SZT2: variants seen among roughly 807,000 people sequenced by gnomAD.
The protein encoded by SZT2 is KICSTOR complex protein SZT2.
SZT2 carries 216 observed loss-of-function variants against 404.2 expected under a neutral mutation model. That is an observed-to-expected ratio of 0.53 (90% CI 0.48 to 0.60). SZT2 has a LOEUF of 0.60. Ranked by LOEUF, SZT2 falls within the 20% of genes least tolerant of loss-of-function variation. The pLI, the probability that SZT2 is intolerant of heterozygous loss-of-function variation, is 0.00. For synonymous variants in SZT2, 1,693 were observed against 1,749.9 expected (o/e 0.97, Z 0.81); for missense variants, 3,857 against 4,459.2 (o/e 0.86, Z 3.85).
Position 43,445,889 on chromosome 1 carries a change from T to C in SZT2, c.8826-5T>C. 1.9e-6 allele frequency: 3 copies of C among 1,614,170 alleles called. No homozygotes were observed. The highest frequency in any genetic ancestry group is 2.5e-6 in the Non-Finnish European group (3 of 1,180,006). ...CATCCTCTTATCCCTCCTCCTTTTC[T>C]ATAGCACCAGCCGGCCACGGGCCAT... On this transcript the variant is annotated splice_region_variant and splice_polypyrimidine_tract_variant and intron_variant, in intron 62 of 71. Transcript: ENST00000634258.
intron 70 of SZT2, 106 bp from the exon 71 acceptor site, chr1:43,449,997 T>G (rs1570751895): frequency 3.5e-5 from 46 of 1,332,264 alleles, no homozygotes; most frequent in Admixed American, 7.2e-5. Flanking sequence ...GCAGGCGGGG[T>G]GAGGTGTGGA....
At chr1:43,392,333 C>CT (rs1557495113) in intron 1 of SZT2, among the ~76,000 whole-genome samples, 6 of 151,720 alleles carry the variant, frequency 4.0e-5, no homozygotes, top group African/African-American at 7.3e-5. Flanking sequence ...ATATAGTAGT[C>CT]TTTACCATAT....
At position 43,437,264 on chromosome 1, in the gene SZT2, G is replaced by A. The variant is rs1328312645; in HGVS notation, c.6128G>A (p.Gly2043Glu). The stretch of plus-strand genomic sequence containing the variant: ...CATTTCTCCTGTGACGTTGTGTGGG[G>A]AACTGTGATCCGAGTCCATTCACGC... ...PGHFSCDVVWGTVIRVHSRLK... is the reference protein window; with the variant it reads ...PGHFSCDVVWETVIRVHSRLK... Residue 2043 changes from glycine to glutamate, a missense_variant, in exon 43 of 72, where the codon GGA (glycine) becomes GAA (glutamate). Gly to Glu is a moderately conservative substitution (Grantham distance 98). This residue lies in a region of SZT2 where 261 missense variants were observed against 372.9 expected (regional missense o/e 0.70). Coordinates refer to ENST00000634258, the MANE Select transcript of SZT2 (RefSeq NM_001365999.1). This position sits in a 1 kb window ranked among gnomAD's most constrained non-coding sequence, Gnocchi z 5.3. 1 of 1,614,158 alleles carries A rather than the reference G, an allele frequency of 6.2e-7. No homozygotes were observed. The highest frequency in any genetic ancestry group is 1.1e-5 in the South Asian group (1 of 91,076).
intron 42 of SZT2, chr1:43,436,452 C>A (rs1297396889): frequency 6.6e-6 from 1 of 152,352 alleles, no homozygotes. Flanking sequence ...CAGACACAGC[C>A]CTTCCTCATT....
At chr1:43,431,199 G>A in intron 33 of SZT2, 66 bp from the exon 34 acceptor site, 1 of 1,560,748 alleles carries the variant, frequency 6.4e-7, no homozygotes, top group Non-Finnish European at 8.7e-7. Context: ...GTCCAAGAAT[G>A]AAGTAAGGAG....
In SZT2 at chr1:43,424,300, G is replaced by T; in HGVS notation, c.2339G>T (p.Arg780Leu). The T allele has an allele frequency of 6.3e-7, 1 of 1,597,972 alleles. No homozygotes were observed. Among genetic ancestry groups the T allele is most frequent in the Non-Finnish European group, 8.5e-7 (1 of 1,179,558 alleles). The change falls in exon 16 of 72, where the codon CGC becomes CTC. Residue 780 changes from arginine to leucine, a missense_variant. By Grantham distance (102) the Arg-to-Leu change is moderately radical. Around this residue, in one of 7 missense-constraint regions of SZT2, gnomAD observed 1,725 missense variants for 1,881.0 expected, o/e 0.92. Coordinates refer to ENST00000634258, the MANE Select transcript of SZT2 (RefSeq NM_001365999.1). The surrounding 1 kb of genome is among the most constrained non-coding windows in gnomAD (Gnocchi z 4.1). The part of the protein sequence containing the change: ...PPGPLPLVSG[R>L]SASSSLASLS... Reference sequence around the variant, plus strand: ...GGTCCACTGCCCTTGGTGTCAGGCCGCTCAGCCTCTTCTAGCCTGGCGTCA... The same window carrying T: ...GGTCCACTGCCCTTGGTGTCAGGCCTCTCAGCCTCTTCTAGCCTGGCGTCA...
chr1:43,426,710 T>C lies in SZT2; in HGVS notation c.3215-5T>C, dbSNP rs771760450. The C allele has an allele frequency of 1.9e-6, 3 of 1,604,676 alleles. No individual in the cohort carries two copies. The highest frequency in any genetic ancestry group is 1.1e-5 in the South Asian group (1 of 89,246). Reference sequence around the variant, plus strand: ...CTCTTTCACCCATCTCTACCCCCATTGTAGGTGCCGAGGGGCCACTGCTGG... The same window carrying C: ...CTCTTTCACCCATCTCTACCCCCATCGTAGGTGCCGAGGGGCCACTGCTGG... On this transcript the variant is annotated splice_region_variant and splice_polypyrimidine_tract_variant and intron_variant, in intron 22 of 71. Coordinates refer to ENST00000634258, the MANE Select transcript of SZT2 (RefSeq NM_001365999.1). This position sits in a 1 kb window ranked among gnomAD's most constrained non-coding sequence, Gnocchi z 4.9.
In SZT2 at chr1:43,407,345, TACAACA is replaced by T. The variant is rs576530768; in HGVS notation, c.498+2806_498+2811del. Reference sequence around the variant, plus strand: ...GTGGCAAAACCCTGTCTACTAAAAATACAACAACAACAACAAAAAAATTAGCTGGGC... The same window carrying T: ...GTGGCAAAACCCTGTCTACTAAAAATACAACAACAAAAAAATTAGCTGGGC... On this transcript the variant is annotated intron_variant, in intron 4 of 71. Coordinates refer to ENST00000634258, the MANE Select transcript of SZT2 (RefSeq NM_001365999.1). 7.2e-5 allele frequency among the ~76,000 whole-genome samples: 11 copies of T among 151,950 alleles called. No individual in the cohort carries two copies. The South Asian group carries it at 2.3e-3, about 32-fold the overall frequency.
chr1:43,413,387 AAAAAC>A (rs1047687708), intron 4 of SZT2, among the ~76,000 whole-genome samples: 5 of 152,312 alleles, frequency 3.3e-5, no homozygotes, highest in East Asian at 1.9e-4. Context: ...ATCTCAAACA[AAAAAC>A]AAAACAAAAC....
chr1:43,403,708 C>T lies in SZT2; in HGVS notation c.261C>T (p.Val87=), dbSNP rs965555758. The T allele has an allele frequency of 2.0e-5, 33 of 1,614,018 alleles. No individual in the cohort carries two copies. The highest frequency in any genetic ancestry group is 4.0e-5 in the African/African-American group (3 of 74,918). ...RPFLLVPSTR[V]TFLAWQYRFV... ...TCCTCCTGGTACCTTCCACCCGGGTCACCTTCCTGGCTTGGCAGTATCGGT... is the reference window on the plus strand; with the variant it reads ...TCCTCCTGGTACCTTCCACCCGGGTTACCTTCCTGGCTTGGCAGTATCGGT... Residue 87 remains valine, a synonymous_variant, in exon 3 of 72, where the codon GTC becomes GTT. Coordinates refer to ENST00000634258, the MANE Select transcript of SZT2 (RefSeq NM_001365999.1).
Position 43,441,795 on chromosome 1 carries a change from T to C in SZT2, c.7719T>C (p.Ser2573=). The change falls in exon 55 of 72, where the codon AGT becomes AGC. Residue 2573 remains serine, a synonymous_variant. Coordinates refer to ENST00000634258, the MANE Select transcript of SZT2 (RefSeq NM_001365999.1). The surrounding 1 kb of genome is among the most constrained non-coding windows in gnomAD (Gnocchi z 4.8). ...TCACCTCAATGGCTGGAGACACCAG[T>C]GTCCGCATCTTTGAGCAGCATTTGT... ...ALVTSMAGDT[S]VRIFEQHLGS... is the part of the protein sequence containing the mutation. The C allele has an allele frequency of 6.2e-7, 1 of 1,614,190 alleles. No individual in the cohort carries two copies. Among genetic ancestry groups the C allele is most frequent in the Non-Finnish European group, 8.5e-7 (1 of 1,180,036 alleles).
chr1:43,407,826 CCTT>C, intron 4 of SZT2, among the ~76,000 whole-genome samples: 1 of 144,022 alleles, frequency 6.9e-6, no homozygotes, highest in Non-Finnish European at 1.5e-5. Context: ...TAAATTCTAA[CCTT>C]TTTTTTTTTT....
In SZT2 at chr1:43,432,751, G is replaced by C. The variant is rs755815768; in HGVS notation, c.5554G>C (p.Gly1852Arg). The C allele has an allele frequency of 1.8e-5, 29 of 1,613,892 alleles. No homozygotes were observed. The highest frequency in any genetic ancestry group is 2.4e-5 in the Non-Finnish European group (28 of 1,179,940). The change falls in exon 39 of 72, where the codon GGA becomes CGA. Residue 1852 changes from glycine (G) to arginine (R), a missense_variant. Around this residue, in one of 7 missense-constraint regions of SZT2, gnomAD observed 1,725 missense variants for 1,881.0 expected, o/e 0.92. Coordinates refer to ENST00000634258, the MANE Select transcript of SZT2 (RefSeq NM_001365999.1). Reference protein sequence around the residue: ...QGGSQPGPSRGLSLMSSQGSV... With the variant: ...QGGSQPGPSRRLSLMSSQGSV... The stretch of plus-strand genomic sequence containing the variant: ...AGGGAGTCAGCCTGGGCCCAGCCGG[G>C]GATTAAGTCTCATGTCCAGTCAGGG...
intron 4 of SZT2, among the ~76,000 whole-genome samples, chr1:43,410,943 C>T (rs1395615214): frequency 6.6e-6 from 1 of 152,100 alleles, no homozygotes; most frequent in East Asian, 1.9e-4. Flanking sequence ...TTGCTGGATC[C>T]TGTGCTGCCC....
chr1:43,452,240 C>T lies in SZT2; in HGVS notation c.*1760C>T. 5 of 1,613,956 alleles carry T rather than the reference C, an allele frequency of 3.1e-6. No individual in the cohort carries two copies. The highest frequency in any genetic ancestry group is 2.2e-5 in the South Asian group (2 of 91,018). On this transcript the variant is annotated 3_prime_UTR_variant, in exon 72 of 72. Coordinates refer to ENST00000634258, the MANE Select transcript of SZT2 (RefSeq NM_001365999.1). ...ACCCCAGCTGCATGCCTCAGGTTCT[C>T]CAGAAAAACGGCCTCCATCTCAGCC...
intron 63 of SZT2, 79 bp downstream of exon 63, chr1:43,446,063 T>C: frequency 6.3e-7 from 1 of 1,581,844 alleles, no homozygotes; most frequent in South Asian, 1.1e-5. Flanking sequence ...CTGAGTGATG[T>C]ACCGAGGTCA....
chr1:43,405,522 G>A (rs1029410404), intron 4 of SZT2: 3 of 152,158 alleles, frequency 2.0e-5, no homozygotes, highest in African/African-American at 7.2e-5. Context: ...TTAACTCATT[G>A]GTAAAGGCTT....
At position 43,442,141 on chromosome 1, in the gene SZT2, G is replaced by A; in HGVS notation, c.7873+11G>A. On this transcript the variant is annotated intron_variant, in intron 56 of 71. Coordinates refer to ENST00000634258, the MANE Select transcript of SZT2 (RefSeq NM_001365999.1). This position sits in a 1 kb window ranked among gnomAD's most constrained non-coding sequence, Gnocchi z 4.5. The stretch of plus-strand genomic sequence containing the variant: ...GACCAACACAGCAGGGTGAGGGCAT[G>A]GCCCGGGGGGGCGGGGGGCGGGTAG... 6.3e-7 allele frequency: 1 copy of A among 1,577,076 alleles called. No homozygotes were observed. The highest frequency in any genetic ancestry group is 8.7e-7 in the Non-Finnish European group (1 of 1,153,720).
In SZT2 at chr1:43,450,855, G is replaced by C; in HGVS notation, c.*375G>C. On this transcript the variant is annotated 3_prime_UTR_variant, in exon 72 of 72. Coordinates refer to ENST00000634258, the MANE Select transcript of SZT2 (RefSeq NM_001365999.1). The surrounding 1 kb of genome is among the most constrained non-coding windows in gnomAD (Gnocchi z 4.3). ...GCCCCCTAGCCTTTGACCACTGTCA[G>C]CCACCTGTGTCCCTTGAGCCTTCGG... 2.8e-6 allele frequency: 2 copies of C among 716,596 alleles called. No homozygotes were observed. The highest frequency in any genetic ancestry group is 5.2e-6 in the Non-Finnish European group (2 of 387,448). 44.4% of individuals were successfully genotyped at this position (716,596 alleles called of 1,614,324 possible). A position where few individuals can be genotyped will look rare whatever the true frequency, so the allele number is the denominator to read the frequency against.
Sources: allele counts gnomAD v4.1 joint callset (sites outside exome capture counted in the v4.1 genomes callset), GRCh38; gene constraint gnomAD v4.1.1; regional missense constraint gnomAD v4.1.1; non-coding constraint Gnocchi (gnomAD v3.1); transcripts MANE v1.5; gene names NCBI Gene and HGNC (gene_info 2026-07-23, HGNC 2026-07-21).